The following RBFOX3 variants were observed in gnomAD, a reference collection of about 807,000 sequenced individuals.
RBFOX3 encodes RNA binding fox-1 homolog 3.
Under a neutral mutation model 48.7 loss-of-function variants are expected in RBFOX3, and 17 were observed. The ratio of observed to expected loss-of-function variants is 0.35; its 90% CI spans 0.24 to 0.52. The LOEUF (loss-of-function observed/expected upper bound fraction) is 0.52. RBFOX3 is among the 20% of genes least tolerant of loss of function. The probability of loss-of-function intolerance (pLI) is 0.94; values close to 1 mark genes in which losing one functional copy is unlikely to be tolerated. For synonymous variants in RBFOX3, 212 were observed against 209.5 expected (o/e 1.01, Z -0.10); for missense variants, 382 against 497.5 (o/e 0.77, Z 2.21).
intron 2 of RBFOX3, among the ~76,000 whole-genome samples, chr17:79,327,186 C>T (rs1018357870): frequency 6.6e-6 from 1 of 152,244 alleles, no homozygotes; most frequent in African/African-American, 2.4e-5. Flanking sequence ...ATCTTCTTTC[C>T]TTTATCCATT....
chr17:79,490,047 C>A (rs1446866344), intron 1 of RBFOX3, among the ~76,000 whole-genome samples: 2 of 152,188 alleles, frequency 1.3e-5, no homozygotes, highest in Non-Finnish European at 2.9e-5. Flanking sequence ...AATGAACCTC[C>A]TCCCCCTGTT....
At chr17:79,146,641 G>T (rs551528274) in intron 4 of RBFOX3, among the ~76,000 whole-genome samples, 1 of 152,206 alleles carries the variant, frequency 6.6e-6, no homozygotes, top group African/African-American at 2.4e-5. Flanking sequence ...TGAGGGGCTG[G>T]TCTGTGTGTG....
chr17:79,496,657 G>A (rs1023282609), intron 1 of RBFOX3, among the ~76,000 whole-genome samples: 1 of 152,156 alleles, frequency 6.6e-6, no homozygotes, highest in East Asian at 1.9e-4. Context: ...CAGCAGAGGG[G>A]TTTGAGGCCA....
intron 2 of RBFOX3, among the ~76,000 whole-genome samples, chr17:79,462,990 CTGCCACTGCCACCTCCACCACCAT>C (rs2075592750): frequency 6.6e-6 from 1 of 151,028 alleles, no homozygotes; most frequent in Non-Finnish European, 1.5e-5. Context: ...ACCATCGCCA[CTGCCACTGCCACCTCCACCACCAT>C]TGCCACTGAC....
chr17:79,443,439 T>C lies in RBFOX3; in HGVS notation c.-175+39015A>G, dbSNP rs2071573701. On this transcript the variant is annotated intron_variant, in intron 2 of 14. Transcript: ENST00000693108. This position sits in a 1 kb window ranked among gnomAD's most constrained non-coding sequence, Gnocchi z 4.4. Reference sequence around the variant, plus strand: ...CTCTGTCGCCCAGGCTGGAGTGCAGTGGCTCGATCTCGGCTCGCTGCAACC... The same window carrying C: ...CTCTGTCGCCCAGGCTGGAGTGCAGCGGCTCGATCTCGGCTCGCTGCAACC... Among the ~76,000 whole-genome samples, 1 of 152,190 alleles carries C rather than the reference T, an allele frequency of 6.6e-6. No homozygotes were observed. The highest frequency in any genetic ancestry group is 1.5e-5 in the Non-Finnish European group (1 of 68,000).
At chr17:79,197,746 C>T (rs940751754) in intron 4 of RBFOX3, among the ~76,000 whole-genome samples, 1 of 152,270 alleles carries the variant, frequency 6.6e-6, no homozygotes, top group East Asian at 1.9e-4. Flanking sequence ...GCCAGGGCTG[C>T]AGATGGTCGG....
In RBFOX3 at chr17:79,143,634, C is replaced by G. The variant is rs1031446269; in HGVS notation, c.-33-27886G>C. On this transcript the variant is annotated intron_variant, in intron 4 of 14. Coordinates refer to ENST00000693108, the MANE Select transcript of RBFOX3 (RefSeq NM_001350451.2). The stretch of plus-strand genomic sequence containing the variant: ...CTCTGGCCACAGGTGACCCCCTTCG[C>G]TCGGCACCAACGCCACGTGCAGGAG... 7.2e-5 allele frequency among the ~76,000 whole-genome samples: 11 copies of G among 152,332 alleles called. 1 individual carries two copies. The highest frequency in any genetic ancestry group is 2.6e-4 in the African/African-American group (11 of 41,576).
At chr17:79,288,842 G>A (rs1042226832) in intron 3 of RBFOX3, among the ~76,000 whole-genome samples, 13 of 151,894 alleles carry the variant, frequency 8.6e-5, no homozygotes, top group South Asian at 2.1e-4. Flanking sequence ...CATCAGTGAG[G>A]TAATAGGGAG....
chr17:79,424,331 G>C (rs2066973680), intron 2 of RBFOX3, among the ~76,000 whole-genome samples: 1 of 152,184 alleles, frequency 6.6e-6, no homozygotes, highest in Non-Finnish European at 1.5e-5. Context: ...CTGACCAGGG[G>C]ATGGACAAGG....
At chr17:79,419,336 C>T (rs1377099231) in intron 2 of RBFOX3, among the ~76,000 whole-genome samples, 13 of 152,208 alleles carry the variant, frequency 8.5e-5, no homozygotes, top group Admixed American at 7.9e-4. Flanking sequence ...TGTCCATCAT[C>T]AGAGGTGTTT....
intron 3 of RBFOX3, among the ~76,000 whole-genome samples, chr17:79,274,652 C>T (rs954162166): frequency 3.9e-5 from 6 of 152,046 alleles, no homozygotes; most frequent in African/African-American, 9.7e-5. Context: ...AGGGCACCAG[C>T]GAGGGTCCCC....
chr17:79,525,297 C>T (rs1017101581), intron 1 of RBFOX3, among the ~76,000 whole-genome samples: 3 of 152,152 alleles, frequency 2.0e-5, no homozygotes, highest in Non-Finnish European at 4.4e-5. Flanking sequence ...GGGGCAAAAT[C>T]ACCCCCTAGT....
chr17:79,397,780 C>CT (rs773632882), intron 2 of RBFOX3, among the ~76,000 whole-genome samples: 9 of 152,212 alleles, frequency 5.9e-5, no homozygotes, highest in Non-Finnish European at 8.8e-5. Flanking sequence ...GGGGAACCCT[C>CT]TGTTTTTCTG....
At position 79,364,935 on chromosome 17, in the gene RBFOX3, C is replaced by T. The variant is rs1327912895; in HGVS notation, c.-174-57111G>A. ...AGGGAGTGGCTGGGCAGGAGCCACC[C>T]AGCTGCAGTGCTTGGGCAGCAGTCA... On this transcript the variant is annotated intron_variant, in intron 2 of 14. Transcript: ENST00000693108. This position sits in a 1 kb window ranked among gnomAD's most constrained non-coding sequence, Gnocchi z 5.1. Among the ~76,000 whole-genome samples, 2 of 152,118 alleles carry T rather than the reference C, an allele frequency of 1.3e-5. No individual in the cohort carries two copies. Among genetic ancestry groups the T allele is most frequent in the South Asian group, 4.1e-4 (2 of 4,824 alleles).
At chr17:79,184,386 C>T (rs2146255946) in intron 4 of RBFOX3, among the ~76,000 whole-genome samples, 1 of 152,354 alleles carries the variant, frequency 6.6e-6, no homozygotes, top group Non-Finnish European at 1.5e-5. Flanking sequence ...ACGGGACAGG[C>T]GTGCATAGGT....
At chr17:79,264,978 G>A (rs924166607) in intron 3 of RBFOX3, among the ~76,000 whole-genome samples, 4 of 150,878 alleles carry the variant, frequency 2.7e-5, no homozygotes, top group East Asian at 3.9e-4. Flanking sequence ...GGGGGGGGGC[G>A]CAGATTTGTG....
intron 1 of RBFOX3, among the ~76,000 whole-genome samples, chr17:79,533,448 G>A (rs1412281227): frequency 6.6e-6 from 1 of 152,366 alleles, no homozygotes; most frequent in East Asian, 1.9e-4. Flanking sequence ...GCTCAACATG[G>A]TCTGCACCTG....
At chr17:79,098,684 A>C (rs2075870371) in intron 9 of RBFOX3, 1 of 152,442 alleles carries the variant, frequency 6.6e-6, no homozygotes, top group Admixed American at 6.5e-5. Flanking sequence ...GCTGCCTTGC[A>C]GTGGGCTCCG....
In RBFOX3 at chr17:79,392,140, G is replaced by A. The variant is rs1035594817; in HGVS notation, c.-174-84316C>T. On this transcript the variant is annotated intron_variant, in intron 2 of 14. Coordinates refer to ENST00000693108, the MANE Select transcript of RBFOX3 (RefSeq NM_001350451.2). The surrounding 1 kb of genome is among the most constrained non-coding windows in gnomAD (Gnocchi z 5.0). ...CCTCAGCACCTTCCTCTGTGAAATG[G>A]AGCCAACAACAGCACATCACAGAGC... Among the ~76,000 whole-genome samples the A allele has an allele frequency of 1.3e-5, 2 of 152,262 alleles. No homozygotes were observed. The highest frequency in any genetic ancestry group is 2.4e-5 in the African/African-American group (1 of 41,540).
Sources: gnomAD v4.1 joint callset for allele counts (sites outside exome capture counted in the v4.1 genomes callset) on GRCh38, gnomAD v4.1.1 for gene constraint, Gnocchi (gnomAD v3.1) non-coding constraint, MANE v1.5 for transcripts, NCBI Gene and HGNC (gene_info 2026-07-23, HGNC 2026-07-21) for gene names.